Variants in SIMC1 observed in about 807,000 individuals in gnomAD.
SIMC1 encodes SUMO-interacting motif-containing protein 1.
A neutral mutation model predicts 82.3 loss-of-function variants in SIMC1; 55 were observed. The ratio of observed to expected loss-of-function variants is 0.67; its 90% CI spans 0.54 to 0.84. SIMC1 has a LOEUF of 0.84. Among genes scored for constraint, SIMC1 ranks in the 40% least tolerant of loss-of-function variants. The pLI is 0.00. For missense variants in SIMC1, 915 were observed against 1,107.2 expected, an observed-to-expected ratio of 0.83 and a Z score of 2.46; for synonymous variants, 353 against 426.3, an observed-to-expected ratio of 0.83 and a Z score of 2.12.
At chr5:176,301,517 C>T (rs1764039502) in intron 4 of SIMC1, among the ~76,000 whole-genome samples, 1 of 152,160 alleles carries the variant, frequency 6.6e-6, no homozygotes, top group African/African-American at 2.4e-5. Context: ...GTGGCTCATG[C>T]CTGCAATCCC....
rs2113280061 is a variant in SIMC1 at position 176,295,053 on chromosome 5, C to G, written c.1455C>G (p.Pro485=). ...TRENKGQKLE[P]IPHRRLRMVT... is the part of the protein sequence containing the mutation. ...AGAACAAGGGTCAAAAATTAGAACCCATCCCTCATCGAAGACTAAGAATGG... is the reference window on the plus strand; with the variant it reads ...AGAACAAGGGTCAAAAATTAGAACCGATCCCTCATCGAAGACTAAGAATGG... Residue 485 remains proline, a synonymous_variant, in exon 3 of 10, where the codon CCC becomes CCG. Coordinates refer to ENST00000429602, the MANE Select transcript of SIMC1 (RefSeq NM_001308195.2). 6.2e-7 allele frequency: 1 copy of G among 1,612,920 alleles called. No individual in the cohort carries two copies. Among genetic ancestry groups the G allele is most frequent in the Non-Finnish European group, 8.5e-7 (1 of 1,179,530 alleles).
chr5:176,272,955 G>A (rs919425865), intron 1 of SIMC1, among the ~76,000 whole-genome samples: 3 of 152,186 alleles, frequency 2.0e-5, no homozygotes, highest in Non-Finnish European at 2.9e-5. Flanking sequence ...ACTGGGTGGA[G>A]CCCACCGCAG....
intron 1 of SIMC1, among the ~76,000 whole-genome samples, chr5:176,269,912 G>GTTTAT (rs1341714856): frequency 6.6e-6 from 1 of 151,792 alleles, no homozygotes; most frequent in African/African-American, 2.4e-5. Flanking sequence ...CGCCCAGCAA[G>GTTTAT]TTTATTTTAT....
chr5:176,244,691 A>G (rs4351159), intron 1 of SIMC1, among the ~76,000 whole-genome samples: 4 of 143,936 alleles, frequency 2.8e-5, no homozygotes, highest in African/African-American at 1.0e-4. Context: ...TTTCTGTTGC[A>G]GTGTTATAAT....
chr5:176,331,291 A>C (rs1360825038), intron 7 of SIMC1, among the ~76,000 whole-genome samples: 1 of 151,344 alleles, frequency 6.6e-6, no homozygotes, highest in Non-Finnish European at 1.5e-5. Flanking sequence ...AATGGCGTGA[A>C]CCCAGGAGGC....
chr5:176,318,787 C>A (rs1561720606), intron 5 of SIMC1, among the ~76,000 whole-genome samples: 1 of 152,202 alleles, frequency 6.6e-6, no homozygotes, highest in Non-Finnish European at 1.5e-5. Flanking sequence ...CTTTCATTGT[C>A]TTCTAGCTTC....
At chr5:176,283,625 AAACT>A (rs1763122771) in intron 1 of SIMC1, among the ~76,000 whole-genome samples, 1 of 152,228 alleles carries the variant, frequency 6.6e-6, no homozygotes, top group Non-Finnish European at 1.5e-5. Flanking sequence ...ACTAATGAGC[AAACT>A]AACCAGCTAA....
At chr5:176,268,632 G>GA (rs1208891581) in intron 1 of SIMC1, among the ~76,000 whole-genome samples, 4 of 152,178 alleles carry the variant, frequency 2.6e-5, no homozygotes, top group Admixed American at 2.0e-4. Flanking sequence ...GAAGTTATAA[G>GA]AATTACATGT....
chr5:176,310,102 T>C (rs1247923902), intron 4 of SIMC1, among the ~76,000 whole-genome samples: 1 of 152,150 alleles, frequency 6.6e-6, no homozygotes, highest in Admixed American at 6.6e-5. Flanking sequence ...GAAACCACAG[T>C]GAGGCTATGA....
chr5:176,315,636 T>C (rs1158401045), intron 5 of SIMC1, among the ~76,000 whole-genome samples: 2 of 152,218 alleles, frequency 1.3e-5, no homozygotes, highest in Non-Finnish European at 2.9e-5. Context: ...TCTGACATAT[T>C]TGTTGAAAGT....
At chr5:176,333,332 A>T (rs1385718190) in intron 7 of SIMC1, among the ~76,000 whole-genome samples, 1 of 152,140 alleles carries the variant, frequency 6.6e-6, no homozygotes, top group African/African-American at 2.4e-5. Flanking sequence ...AAAATGATAT[A>T]AATGGAATCA....
In SIMC1 at chr5:176,289,882, A is replaced by G. The variant is rs761601948; in HGVS notation, c.358A>G (p.Thr120Ala). The G allele has an allele frequency of 6.2e-6, 10 of 1,613,920 alleles. No individual in the cohort carries two copies. The highest frequency in any genetic ancestry group is 8.5e-6 in the Non-Finnish European group (10 of 1,179,860). Residue 120 changes from threonine to alanine, a missense_variant, in exon 2 of 10, where the codon ACA (threonine) becomes GCA (alanine). Around this residue, in one of 2 missense-constraint regions of SIMC1, gnomAD observed 902 missense variants for 1,040.3 expected, o/e 0.87. Transcript: ENST00000429602. ...GCACGTGGACAGAAGCTCTCAGCCT[A>G]CAGCACGGAGAATCATTAACAGTGA... Reference protein sequence around the residue: ...EGHVDRSSQPTARRIINSDPV... With the variant: ...EGHVDRSSQPAARRIINSDPV...
intron 1 of SIMC1, among the ~76,000 whole-genome samples, chr5:176,279,003 T>C (rs571602447): frequency 2.6e-4 from 39 of 152,324 alleles, no homozygotes; most frequent in African/African-American, 8.4e-4. Flanking sequence ...TTCTATTGAT[T>C]GGAATAGTTT....
intron 1 of SIMC1, among the ~76,000 whole-genome samples, chr5:176,255,227 G>A (rs1761810541): frequency 1.3e-5 from 2 of 151,294 alleles, no homozygotes. Flanking sequence ...CTGAGCAACA[G>A]AGCAAGACTC....
intron 5 of SIMC1, among the ~76,000 whole-genome samples, chr5:176,319,338 G>C (rs895601377): frequency 6.6e-6 from 1 of 151,996 alleles, no homozygotes; most frequent in Non-Finnish European, 1.5e-5. Context: ...TAATTTCCAA[G>C]AGCCCTTTTA....
Position 176,322,292 on chromosome 5 carries a change from G to A in SIMC1, c.1909G>A (p.Val637Ile), listed in dbSNP as rs1765198550. The A allele has an allele frequency of 6.4e-7, 1 of 1,566,112 alleles. No individual in the cohort carries two copies. Among genetic ancestry groups the A allele is most frequent in the Middle Eastern group, 1.7e-4 (1 of 6,012 alleles). ...HNVRDVIKWLVKAVTEDGLTQ... is the reference protein window; with the variant it reads ...HNVRDVIKWLIKAVTEDGLTQ... ...TTACAGGGATGTTATCAAGTGGCTG[G>A]TCAAAGCAGTAACTGAAGATGGATT... Residue 637 changes from valine (V) to isoleucine (I), a missense_variant, in exon 6 of 10, where the codon GTC (valine) becomes ATC (isoleucine). Coordinates refer to ENST00000429602, the MANE Select transcript of SIMC1 (RefSeq NM_001308195.2).
At chr5:176,315,265 CA>C (rs1764844562) in intron 5 of SIMC1, among the ~76,000 whole-genome samples, 1 of 152,124 alleles carries the variant, frequency 6.6e-6, no homozygotes, top group Admixed American at 6.5e-5. Context: ...GGAAGGAAGA[CA>C]GGGGGCGGGG....
intron 1 of SIMC1, among the ~76,000 whole-genome samples, chr5:176,271,532 T>A (rs1214011373): frequency 6.6e-6 from 1 of 151,986 alleles, no homozygotes; most frequent in African/African-American, 2.4e-5. Context: ...AAAATTAGAC[T>A]CATGGTGATA....
At chr5:176,241,502 G>A (rs1459746247) in intron 1 of SIMC1, among the ~76,000 whole-genome samples, 2 of 149,498 alleles carry the variant, frequency 1.3e-5, no homozygotes, top group African/African-American at 5.0e-5. Context: ...TTGTTCATTT[G>A]TTTATTAAGT....
Sources: allele counts gnomAD v4.1 joint callset (sites outside exome capture counted in the v4.1 genomes callset), GRCh38; gene constraint gnomAD v4.1.1; regional missense constraint gnomAD v4.1.1; transcripts MANE v1.5; gene names NCBI Gene and HGNC (gene_info 2026-07-23, HGNC 2026-07-21).